Variants in RECK observed in about 807,000 individuals in gnomAD.
The protein encoded by RECK is reversion-inducing cysteine-rich protein with Kazal motifs.
Under a neutral mutation model 115.1 loss-of-function variants are expected in RECK, and 69 were observed. That is an observed-to-expected ratio of 0.60 (90% CI 0.49 to 0.73). The LOEUF (loss-of-function observed/expected upper bound fraction) is 0.73, where lower values mean the gene tolerates loss of function less well. Ranked by LOEUF, RECK falls within the 30% of genes least tolerant of loss-of-function variation. RECK has a pLI of 0.00. For missense variants in RECK, 1,047 were observed against 1,203.7 expected (o/e 0.87, Z 1.93); for synonymous variants, 414 against 419.7 (o/e 0.99, Z 0.17).
chr9:36,096,841 C>T (rs1331636209), intron 10 of RECK, among the ~76,000 whole-genome samples: 1 of 151,858 alleles, frequency 6.6e-6, no homozygotes, highest in Non-Finnish European at 1.5e-5. Context: ...TTTTGTTTGC[C>T]AAAAGACATC....
Position 36,117,055 on chromosome 9 carries a change from C to CTGG in RECK, c.2131_2132insTGG (p.Pro711delinsLeuAla). 3.7e-6 allele frequency: 6 copies of CTGG among 1,614,096 alleles called. No individual in the cohort carries two copies. Among genetic ancestry groups the CTGG allele is most frequent in the Non-Finnish European group, 5.1e-6 (6 of 1,179,978 alleles). ...TGGATGTAGCCAGTATGAGTGTGTA[C>CTGG]CAAGACAGCTCGCGTGTGACCAGGT... On this transcript the variant is annotated protein_altering_variant, in exon 17 of 21. Transcript: ENST00000377966.
chr9:36,066,831 A>C, intron 6 of RECK: 1 of 1,289,480 alleles, frequency 7.8e-7, no homozygotes, highest in South Asian at 1.2e-5. Flanking sequence ...TGCCCTAGGA[A>C]GTCTGCCAGT....
intron 16 of RECK, among the ~76,000 whole-genome samples, chr9:36,115,671 A>T (rs1034164279): frequency 1.3e-5 from 2 of 152,214 alleles, no homozygotes; most frequent in Non-Finnish European, 2.9e-5. Context: ...AACTAAGTGC[A>T]TTGTAATTTC....
At chr9:36,089,967 TAC>T (rs55678229) in intron 9 of RECK, among the ~76,000 whole-genome samples, 11,981 of 143,690 alleles carry the variant, frequency 0.083, 526 homozygotes, top group Middle Eastern at 0.11. Flanking sequence ...CTACTAAAAA[TAC>T]ACACACACAC....
In RECK at chr9:36,088,370, A is replaced by G. The variant is rs116560631; in HGVS notation, c.905+409A>G. The stretch of plus-strand genomic sequence containing the variant: ...ATATTGGTGGATAACCTGGGTTAGC[A>G]CTTATAACCAGAGTTAGGTGGTAGC... On this transcript the variant is annotated intron_variant, in intron 9 of 20. Coordinates refer to ENST00000377966, the MANE Select transcript of RECK (RefSeq NM_021111.3). Among the ~76,000 whole-genome samples, 1,143 of 152,312 alleles carry G rather than the reference A, an allele frequency of 7.5e-3. 19 individuals are homozygous for G. Among genetic ancestry groups the G allele is most frequent in the African/African-American group, 0.026 (1,089 of 41,584 alleles).
rs1473544705 is a variant in RECK at position 36,121,671 on chromosome 9, T to C, written c.2677T>C (p.Tyr893His). The C allele has an allele frequency of 6.2e-7, 1 of 1,613,970 alleles. No homozygotes were observed. Among genetic ancestry groups the C allele is most frequent in the East Asian group, 2.2e-5 (1 of 44,900 alleles). The change falls in exon 20 of 21, where the codon TAT becomes CAT. Residue 893 changes from tyrosine to histidine, a missense_variant. Physicochemically the swap from Tyr to His is moderately conservative, Grantham distance 83. Coordinates refer to ENST00000377966, the MANE Select transcript of RECK (RefSeq NM_021111.3). Reference sequence around the variant, plus strand: ...GATCCTGATCATTCCCGTCGATCACTATCCAAAAGCTCTGCAGGTGAGTTC... The same window carrying C: ...GATCCTGATCATTCCCGTCGATCACCATCCAAAAGCTCTGCAGGTGAGTTC... Reference protein sequence around the residue: ...IVILIIPVDHYPKALQIEACN... With the variant: ...IVILIIPVDHHPKALQIEACN...
chr9:36,079,717 C>G (rs1822605793), intron 6 of RECK, among the ~76,000 whole-genome samples: 1 of 152,156 alleles, frequency 6.6e-6, no homozygotes. Context: ...TGATTTCCTT[C>G]TGCCTGTAAT....
chr9:36,063,415 A>G (rs1405132136), intron 4 of RECK, among the ~76,000 whole-genome samples: 2 of 152,184 alleles, frequency 1.3e-5, no homozygotes, highest in African/African-American at 4.8e-5. Flanking sequence ...TAGTCTGCTT[A>G]TGTTAAATTA....
intron 10 of RECK, among the ~76,000 whole-genome samples, chr9:36,097,511 A>G (rs1317421122): frequency 1.3e-5 from 2 of 152,186 alleles, no homozygotes; most frequent in Non-Finnish European, 2.9e-5. Context: ...GGCTATTATC[A>G]AAAAGATGGA....
At chr9:36,105,996 G>A (rs985543962) in intron 13 of RECK, among the ~76,000 whole-genome samples, 8 of 152,016 alleles carry the variant, frequency 5.3e-5, no homozygotes, top group African/African-American at 1.2e-4. Context: ...GGCGGATCAC[G>A]AGGTCAGGAG....
intron 10 of RECK, among the ~76,000 whole-genome samples, chr9:36,093,952 A>C (rs1048814151): frequency 6.6e-6 from 1 of 152,156 alleles, no homozygotes; most frequent in Non-Finnish European, 1.5e-5. Context: ...ATCAAGTAGT[A>C]TCCCAAGTAG....
chr9:36,083,515 G>A lies in RECK; in HGVS notation c.590G>A (p.Cys197Tyr). ...TCTATTAGTCCACAATTAATACATT[G>A]TGTGAACAATTATACTCAATCTTAT... Reference protein sequence around the residue: ...CASISPQLIHCVNNYTQSYPM... With the variant: ...CASISPQLIHYVNNYTQSYPM... Residue 197 changes from cysteine to tyrosine, a missense_variant, in exon 8 of 21, where the codon TGT (cysteine) becomes TAT (tyrosine). Coordinates refer to ENST00000377966, the MANE Select transcript of RECK (RefSeq NM_021111.3). The A allele has an allele frequency of 6.2e-7, 1 of 1,613,878 alleles. No homozygotes were observed. Among genetic ancestry groups the A allele is most frequent in the Non-Finnish European group, 8.5e-7 (1 of 1,179,906 alleles).
chr9:36,096,445 G>A (rs917375981), intron 10 of RECK, among the ~76,000 whole-genome samples: 3 of 151,996 alleles, frequency 2.0e-5, no homozygotes, highest in African/African-American at 7.3e-5. Context: ...GCTGAGGCAG[G>A]AGAATCGCTT....
intron 12 of RECK, among the ~76,000 whole-genome samples, chr9:36,103,452 A>G (rs1379013721): frequency 6.6e-6 from 1 of 152,182 alleles, no homozygotes; most frequent in East Asian, 1.9e-4. Context: ...AGTTCTAACC[A>G]CCATAATCTA....
At chr9:36,051,719 A>G (rs1821310499) in intron 1 of RECK, among the ~76,000 whole-genome samples, 1 of 152,116 alleles carries the variant, frequency 6.6e-6, no homozygotes, top group Non-Finnish European at 1.5e-5. Flanking sequence ...TCCCTAGACA[A>G]TATCATTCAT....
chr9:36,042,465 T>TGTGTGTGTAC (rs1363695507), intron 1 of RECK, among the ~76,000 whole-genome samples: 1 of 146,276 alleles, frequency 6.8e-6, no homozygotes, highest in Non-Finnish European at 1.5e-5. Context: ...TGTGTGTGTG[T>TGTGTGTGTAC]ACACATATAC....
intron 9 of RECK, among the ~76,000 whole-genome samples, chr9:36,089,592 C>T (rs1371062270): frequency 1.3e-5 from 2 of 152,102 alleles, no homozygotes; most frequent in Non-Finnish European, 1.5e-5. Context: ...CACACCTGAC[C>T]TCATGTGATG....
intron 6 of RECK, among the ~76,000 whole-genome samples, chr9:36,074,534 GT>G (rs1822373407): frequency 6.6e-6 from 1 of 152,220 alleles, no homozygotes; most frequent in Admixed American, 6.5e-5. Flanking sequence ...AAATGGGGAA[GT>G]CTTTCACAGA....
In RECK at chr9:36,058,920, T is replaced by G; in HGVS notation, c.234+19T>G. The G allele has an allele frequency of 6.8e-7, 1 of 1,461,786 alleles. No individual in the cohort carries two copies. Among genetic ancestry groups the G allele is most frequent in the Non-Finnish European group, 9.2e-7 (1 of 1,088,370 alleles). The allele number at this position is 1,461,786 out of a possible 1,614,324, so 90.6% of individuals were successfully genotyped here. ...GACAATGGTAAGTCTTATTGTAACT[T>G]AACTGTAGAAGCTTCTGTCTAAATG... On this transcript the variant is annotated intron_variant, in intron 3 of 20. Coordinates refer to ENST00000377966, the MANE Select transcript of RECK (RefSeq NM_021111.3).
Sources: gnomAD v4.1 joint callset for allele counts (sites outside exome capture counted in the v4.1 genomes callset) on GRCh38, gnomAD v4.1.1 for gene constraint, MANE v1.5 for transcripts, NCBI Gene and HGNC (gene_info 2026-07-23, HGNC 2026-07-21) for gene names.